The following SHLD2 variants were observed in gnomAD, a reference collection of about 807,000 sequenced individuals.
The protein encoded by SHLD2 is shieldin complex subunit 2, also known as RINN1-REV7-interacting novel NHEJ regulator 2.
Under a neutral mutation model 73.2 loss-of-function variants are expected in SHLD2, and 30 were observed. That is an observed-to-expected ratio of 0.41 (90% CI 0.31 to 0.56). SHLD2 has a LOEUF of 0.56. Among genes scored for constraint, SHLD2 ranks in the 20% least tolerant of loss-of-function variants. SHLD2 has a pLI of 0.28. For synonymous variants in SHLD2, 285 were observed against 370.1 expected, an observed-to-expected ratio of 0.77 and a Z score of 2.64; for missense variants, 745 against 1,055.9, an observed-to-expected ratio of 0.71 and a Z score of 4.08.
At chr10:87,138,278 G>A (rs896583067) in intron 2 of SHLD2, among the ~76,000 whole-genome samples, 1 of 151,320 alleles carries the variant, frequency 6.6e-6, no homozygotes, top group African/African-American at 2.4e-5. Context: ...CCAGCCTGTC[G>A]ACAGAGCGAG....
chr10:87,097,565 C>A (rs1002670104), intron 2 of SHLD2, among the ~76,000 whole-genome samples: 1 of 152,058 alleles, frequency 6.6e-6, no homozygotes, highest in African/African-American at 2.4e-5. Flanking sequence ...GCACTCCAGC[C>A]TGGGCAACAG....
At position 87,136,229 on chromosome 10, in the gene SHLD2, AC is replaced by A. The variant is rs1409717404; in HGVS notation, c.-5-15120del. Reference sequence around the variant, plus strand: ...ACTGGGAGCTCTTTCAGTTGGTATGACTTTTTGATATACCACTGTCAGTGTA... The same window carrying A: ...ACTGGGAGCTCTTTCAGTTGGTATGATTTTTGATATACCACTGTCAGTGTA... On this transcript the variant is annotated intron_variant, in intron 2 of 9. Transcript: ENST00000298786. Among the ~76,000 whole-genome samples, 4 of 151,810 alleles carry A rather than the reference AC, an allele frequency of 2.6e-5. No individual in the cohort carries two copies. The South Asian group carries it at 6.2e-4, about 24-fold the overall frequency.
chr10:87,190,526 T>A lies in SHLD2; in HGVS notation c.2558T>A (p.Leu853Gln), dbSNP rs1275218313. ...EITYGMVVADLFHSLLAVSAE... is the reference protein window; with the variant it reads ...EITYGMVVADQFHSLLAVSAE... ...ACCTATGGGATGGTCGTGGCAGACCTGTTCCACTCCTTGTTGGCAGTCAGC... is the reference window on the plus strand; with the variant it reads ...ACCTATGGGATGGTCGTGGCAGACCAGTTCCACTCCTTGTTGGCAGTCAGC... The change falls in exon 10 of 10, where the codon CTG becomes CAG. Residue 853 changes from leucine (L) to glutamine (Q), a missense_variant. Leu to Gln is a moderately radical substitution (Grantham distance 113, BLOSUM62 -2). Coordinates refer to ENST00000298786, the MANE Select transcript of SHLD2 (RefSeq NM_001330112.2). 3 of 1,611,900 alleles carry A rather than the reference T, an allele frequency of 1.9e-6. No homozygotes were observed. Among genetic ancestry groups the A allele is most frequent in the Non-Finnish European group, 2.5e-6 (3 of 1,179,838 alleles).
At chr10:87,143,652 A>G (rs1409100717) in intron 2 of SHLD2, among the ~76,000 whole-genome samples, 1 of 152,148 alleles carries the variant, frequency 6.6e-6, no homozygotes, top group Non-Finnish European at 1.5e-5. Context: ...AATATTTTAG[A>G]TAAAGTGTAT....
At chr10:87,185,088 C>G (rs556169930) in intron 8 of SHLD2, among the ~76,000 whole-genome samples, 3 of 152,236 alleles carry the variant, frequency 2.0e-5, no homozygotes, top group East Asian at 3.9e-4. Flanking sequence ...ATTCCCCATG[C>G]CCCTCAACCT....
intron 4 of SHLD2, 147 bp from the exon 5 acceptor site, chr10:87,170,328 TAGC>T (rs1847504192): frequency 1.9e-6 from 1 of 537,112 alleles, no homozygotes; most frequent in Admixed American, 3.7e-5. Flanking sequence ...ATTCAAGACT[TAGC>T]TATTGTACAT....
chr10:87,185,155 A>T (rs1848539963), intron 8 of SHLD2, among the ~76,000 whole-genome samples: 1 of 152,106 alleles, frequency 6.6e-6, no homozygotes, highest in East Asian at 1.9e-4. Context: ...TAGATATTTT[A>T]TATAAATATT....
chr10:87,185,161 A>G (rs1311862469), intron 8 of SHLD2, among the ~76,000 whole-genome samples: 3 of 152,186 alleles, frequency 2.0e-5, no homozygotes, highest in Non-Finnish European at 4.4e-5. Flanking sequence ...TTTTATATAA[A>G]TATTATATAA....
intron 8 of SHLD2, among the ~76,000 whole-genome samples, chr10:87,181,764 C>A (rs3127718): frequency 6.6e-6 from 1 of 152,140 alleles, no homozygotes; most frequent in Non-Finnish European, 1.5e-5. Context: ...TATTTATTTA[C>A]AAGCCTTTTT....
intron 4 of SHLD2, among the ~76,000 whole-genome samples, chr10:87,169,867 T>A (rs1847465583): frequency 6.6e-6 from 1 of 152,100 alleles, no homozygotes; most frequent in Non-Finnish European, 1.5e-5. Flanking sequence ...ATGTAGCACG[T>A]GCTCAAAAGC....
chr10:87,163,961 C>CTTTTCTT (rs750116873), intron 4 of SHLD2, among the ~76,000 whole-genome samples: 4 of 117,904 alleles, frequency 3.4e-5, no homozygotes, highest in Non-Finnish European at 3.7e-5. Flanking sequence ...CTTTTCTTTT[C>CTTTTCTT]TTTTTTTTTT....
intron 3 of SHLD2, among the ~76,000 whole-genome samples, chr10:87,156,067 C>CT (rs1223191446): frequency 0.012 from 1,569 of 134,938 alleles, 18 homozygotes; most frequent in African/African-American, 0.026. Flanking sequence ...AGAAATCTTC[C>CT]TTTTTTTTTT....
chr10:87,094,823 A>G (rs1290305194), upstream of SHLD2: 2 of 1,377,388 alleles, frequency 1.5e-6, no homozygotes, highest in Non-Finnish European at 2.0e-6. The surrounding 1 kb of genome is among the most constrained non-coding windows in gnomAD (Gnocchi z 6.6). Context: ...GCGCTTTCTC[A>G]GACTCCCCGC....
chr10:87,147,168 T>C (rs1885932), intron 2 of SHLD2, among the ~76,000 whole-genome samples: 48,364 of 151,788 alleles, frequency 0.32, 8,461 homozygotes, highest in East Asian at 0.74. Context: ...ATTCTCAGGA[T>C]TGCTTCATGT....
intron 8 of SHLD2, 21 bp downstream of exon 8, chr10:87,180,324 A>G: frequency 3.8e-6 from 6 of 1,595,672 alleles, no homozygotes; most frequent in Non-Finnish European, 5.1e-6. Context: ...TAAGCAAGCC[A>G]ATTTGATGGA....
chr10:87,187,297 T>A (rs578020461), intron 9 of SHLD2, 97 bp downstream of exon 9: 1 of 783,446 alleles, frequency 1.3e-6, no homozygotes, highest in African/African-American at 1.7e-5. Context: ...TAAGAGCTTT[T>A]CTGTCCATAT....
At chr10:87,098,632 A>G (rs571733864) in intron 2 of SHLD2, among the ~76,000 whole-genome samples, 57 of 152,212 alleles carry the variant, frequency 3.7e-4, no homozygotes, top group Non-Finnish European at 7.1e-4. Context: ...AAGTTATACT[A>G]TTTATACTAT....
chr10:87,152,174 A>T lies in SHLD2; in HGVS notation c.820A>T (p.Thr274Ser). 1.2e-6 allele frequency: 2 copies of T among 1,605,190 alleles called. No homozygotes were observed. The highest frequency in any genetic ancestry group is 1.7e-6 in the Non-Finnish European group (2 of 1,175,530). Reference protein sequence around the residue: ...PVNKGNVNMETEPKASYGEIR... With the variant: ...PVNKGNVNMESEPKASYGEIR... ...AAATAAAGGGAATGTAAACATGGAG[A>T]CTGAACCAAAGGCAAGTTACGGGGA... The change falls in exon 3 of 10, where the codon ACT (threonine) becomes TCT (serine). Residue 274 changes from threonine to serine, a missense_variant. Transcript: ENST00000298786.
At chr10:87,137,342 C>T (rs1419480937) in intron 2 of SHLD2, among the ~76,000 whole-genome samples, 1 of 150,426 alleles carries the variant, frequency 6.6e-6, no homozygotes, top group Non-Finnish European at 1.5e-5. Flanking sequence ...GAAAAATATA[C>T]TAGCAGAGAC....
Sources: gnomAD v4.1 joint callset for allele counts (sites outside exome capture counted in the v4.1 genomes callset) on GRCh38, gnomAD v4.1.1 for gene constraint, Gnocchi (gnomAD v3.1) non-coding constraint, MANE v1.5 for transcripts, NCBI Gene and HGNC (gene_info 2026-07-23, HGNC 2026-07-21) for gene names.